SLC19A1: variants seen among roughly 807,000 people sequenced by gnomAD.
SLC19A1 encodes solute carrier family 19 member 1.
Under a neutral mutation model 35.3 loss-of-function variants are expected in SLC19A1, and 37 were observed. The ratio of observed to expected loss-of-function variants is 1.05; its 90% CI spans 0.81 to 1.38. The LOEUF (loss-of-function observed/expected upper bound fraction) is 1.38, where lower values mean the gene tolerates loss of function less well. Ranked by LOEUF, SLC19A1 falls within the 40% of genes most tolerant of loss-of-function variation. SLC19A1 has a pLI of 0.00. For missense variants in SLC19A1, 831 were observed against 826.9 expected (o/e 1.00, Z -0.06); for synonymous variants, 460 against 398.5 (o/e 1.15, Z -1.84).
chr21:45,503,076 G>GTA (rs1417602930), intron 3 of SLC19A1: 4 of 152,290 alleles, frequency 2.6e-5, no homozygotes, highest in East Asian at 3.9e-4. Flanking sequence ...AGTCCTTTGT[G>GTA]TATATACCCA....
intron 4 of SLC19A1, among the ~76,000 whole-genome samples, chr21:45,528,843 C>T (rs1012625252): frequency 7.9e-5 from 12 of 152,218 alleles, no homozygotes; most frequent in African/African-American, 2.9e-4. Context: ...CTGGCATCAA[C>T]CCAACACAGA....
chr21:45,505,141 A>AG, intron 3 of SLC19A1: 1 of 1,609,498 alleles, frequency 6.2e-7, no homozygotes, highest in Non-Finnish European at 8.5e-7. Context: ...TAGGGTCCCA[A>AG]GGGAGAGAGC....
At chr21:45,551,227 G>T (rs868480938) in intron 1 of SLC19A1, among the ~76,000 whole-genome samples, 1 of 151,692 alleles carries the variant, frequency 6.6e-6, no homozygotes, top group Admixed American at 6.6e-5. Context: ...CAGCCTGGGC[G>T]ACAAGAGCGA....
At position 45,534,657 on chromosome 21, in the gene SLC19A1, G is replaced by C; in HGVS notation, c.190-2509C>G. The C allele has an allele frequency of 6.7e-7, 1 of 1,490,108 alleles. No individual in the cohort carries two copies. The highest frequency in any genetic ancestry group is 9.0e-7 in the Non-Finnish European group (1 of 1,106,044). 92.3% of individuals were successfully genotyped at this position (1,490,108 alleles called of 1,614,324 possible). A position where few individuals can be genotyped will look rare whatever the true frequency, so the allele number is the denominator to read the frequency against. ...GGTCTGAGCGCAGAGCTCCCCCTTG[G>C]CAGCCACCCAGAGCCCTCCCGCTCC... On this transcript the variant is annotated intron_variant, in intron 2 of 5. Coordinates refer to ENST00000311124, the MANE Select transcript of SLC19A1 (RefSeq NM_194255.4). This position sits in a 1 kb window ranked among gnomAD's most constrained non-coding sequence, Gnocchi z 4.2.
chr21:45,552,457 G>A (rs2078475315), intron 1 of SLC19A1, among the ~76,000 whole-genome samples: 1 of 152,150 alleles, frequency 6.6e-6, no homozygotes, highest in Admixed American at 6.5e-5. Context: ...GAGCCCCTGG[G>A]GAGAGCGACA....
chr21:45,531,657 C>T lies in SLC19A1; in HGVS notation c.681G>A (p.Leu227=). 6.2e-7 allele frequency: 1 copy of T among 1,612,358 alleles called. No individual in the cohort carries two copies. The highest frequency in any genetic ancestry group is 8.5e-7 in the Non-Finnish European group (1 of 1,179,802). The change falls in exon 3 of 6, where the codon CTG becomes CTA. Residue 227 remains leucine (L), a synonymous_variant. Transcript: ENST00000311124. Reference sequence around the variant, plus strand: ...CGCCTGGGCCAGGATTCATGCGCTCCAGCTCCGAAGCCGAGGTTTCGCACC... The same window carrying T: ...CGCCTGGGCCAGGATTCATGCGCTCTAGCTCCGAAGCCGAGGTTTCGCACC... The part of the protein sequence containing the change: ...RGRCETSASE[L]ERMNPGPGGK...
chr21:45,531,762 G>A lies in SLC19A1; in HGVS notation c.576C>T (p.Phe192=). 3 of 1,610,016 alleles carry A rather than the reference G, an allele frequency of 1.9e-6. No homozygotes were observed. The highest frequency in any genetic ancestry group is 2.5e-6 in the Non-Finnish European group (3 of 1,178,316). Residue 192 remains phenylalanine, a synonymous_variant, in exon 3 of 6, where the codon TTC becomes TTT. Coordinates refer to ENST00000311124, the MANE Select transcript of SLC19A1 (RefSeq NM_194255.4). The part of the protein sequence containing the change: ...FSTLNYISLA[F]LTFSVVLALF... ...GGGCGAGGACCACGCTGAAGGTGAG[G>A]AAGGCCAGCGAGATGTAGTTGAGCG...
At chr21:45,522,811 G>C (rs1200948431) in intron 5 of SLC19A1, among the ~76,000 whole-genome samples, 1 of 152,162 alleles carries the variant, frequency 6.6e-6, no homozygotes, top group Non-Finnish European at 1.5e-5. Context: ...GAGGGTAGTG[G>C]CTGCCAGGGG....
chr21:45,545,961 G>T (rs1414016599), upstream of SLC19A1, among the ~76,000 whole-genome samples: 1 of 152,196 alleles, frequency 6.6e-6, no homozygotes, highest in Non-Finnish European at 1.5e-5. Context: ...CCTCTCTCCA[G>T]CCCCCACTCC....
At chr21:45,509,301 G>C, downstream of SLC19A1, 2 of 1,534,664 alleles carry the variant, frequency 1.3e-6, no homozygotes, top group African/African-American at 1.4e-5. Context: ...CACAGATGGA[G>C]GAGGGGCACC....
At chr21:45,512,213 T>G (rs200871316), downstream of SLC19A1, 172 of 1,612,266 alleles carry the variant, frequency 1.1e-4, no homozygotes, top group Non-Finnish European at 7.6e-5. Context: ...GTGGCATGGC[T>G]CGGACCCCAA....
At chr21:45,559,249 C>T (rs1382095749) in intron 1 of SLC19A1, among the ~76,000 whole-genome samples, 2 of 152,222 alleles carry the variant, frequency 1.3e-5, no homozygotes, top group African/African-American at 4.8e-5. Context: ...GAAGAACTGC[C>T]AGCCCCTCAG....
downstream of SLC19A1, among the ~76,000 whole-genome samples, chr21:45,510,586 T>A (rs990585230): frequency 6.6e-6 from 1 of 151,690 alleles, no homozygotes; most frequent in African/African-American, 2.4e-5. Flanking sequence ...GTGATAGGGC[T>A]CACATACAAG....
intron 1 of SLC19A1, among the ~76,000 whole-genome samples, chr21:45,555,193 C>CG (rs1555888689): frequency 1.5e-4 from 2 of 13,328 alleles, no homozygotes; most frequent in African/African-American, 9.0e-4. Context: ...CAGGGGGCGG[C>CG]GGGGGCGGCG....
At chr21:45,518,771 G>A (rs763603214) in intron 5 of SLC19A1, among the ~76,000 whole-genome samples, 1 of 152,112 alleles carries the variant, frequency 6.6e-6, no homozygotes, top group Non-Finnish European at 1.5e-5. Context: ...AACATCCTTT[G>A]AGAATAAAAG....
Position 45,505,310 on chromosome 21 carries a change from G to A in SLC19A1, c.498-6698C>T, listed in dbSNP as rs375708096. 1.4e-4 allele frequency: 220 copies of A among 1,603,618 alleles called. 1 individual carries two copies. The highest frequency in any genetic ancestry group is 1.9e-4 in the South Asian group (17 of 90,752). On this transcript the variant is annotated intron_variant, in intron 3 of 4. Transcript: ENST00000417954. ...CAGTGGGGAGTGGGCCCCGGGCAGA[G>A]GCCGCCTCGTGTGGCTTCGTGTTCC...
intron 1 of SLC19A1, among the ~76,000 whole-genome samples, chr21:45,561,037 G>A (rs1224060431): frequency 6.6e-6 from 1 of 152,216 alleles, no homozygotes; most frequent in Non-Finnish European, 1.5e-5. Context: ...AGGAAAGAAC[G>A]AGAATAAACG....
In SLC19A1 at chr21:45,555,092, C is replaced by T. The variant is rs1188176478; in HGVS notation, c.-50+7650G>A. On this transcript the variant is annotated intron_variant, in intron 1 of 5. Transcript: ENST00000650808. ...CGGGGAGTGGCCACCAGGGGGCGAGCGGCGCCCGGAGCCTCCGCGGGTCCC... is the reference window on the plus strand; with the variant it reads ...CGGGGAGTGGCCACCAGGGGGCGAGTGGCGCCCGGAGCCTCCGCGGGTCCC... Among the ~76,000 whole-genome samples the T allele has an allele frequency of 5.5e-5, 8 of 145,204 alleles. 1 individual carries two copies.
rs1002126692 is a variant in SLC19A1, at chr21:45,504,002, C to T, written c.498-5390G>A. 2.1e-5 allele frequency: 34 copies of T among 1,613,368 alleles called. No individual in the cohort carries two copies. The Admixed American group carries it at 4.0e-4, about 19-fold the overall frequency. ...CCTCAGCGAGACCCCGCCTGTCTCTCTCTTGCAGGGCAGTTTCCGTTTGAC... is the reference window on the plus strand; with the variant it reads ...CCTCAGCGAGACCCCGCCTGTCTCTTTCTTGCAGGGCAGTTTCCGTTTGAC... On this transcript the variant is annotated intron_variant, in intron 3 of 4. Coordinates refer to the SLC19A1 transcript ENST00000417954.
Sources: gnomAD v4.1 joint callset for allele counts (sites outside exome capture counted in the v4.1 genomes callset) on GRCh38, gnomAD v4.1.1 for gene constraint, Gnocchi (gnomAD v3.1) non-coding constraint, MANE v1.5 for transcripts, NCBI Gene and HGNC (gene_info 2026-07-23, HGNC 2026-07-21) for gene names.